Variants in PPHLN1 observed in about 807,000 individuals in gnomAD.
PPHLN1 encodes periphilin-1.
A neutral mutation model predicts 51.3 loss-of-function variants in PPHLN1; 29 were observed. That is an observed-to-expected ratio of 0.57 (90% CI 0.42 to 0.77). The LOEUF (loss-of-function observed/expected upper bound fraction) is 0.77. Ranked by LOEUF, PPHLN1 falls within the 30% of genes least tolerant of loss-of-function variation. The pLI, the probability that PPHLN1 is intolerant of heterozygous loss-of-function variation, is 0.00. For synonymous variants in PPHLN1, 147 were observed against 147.8 expected, an observed-to-expected ratio of 0.99 and a Z score of 0.04; for missense variants, 436 against 438.4, an observed-to-expected ratio of 0.99 and a Z score of 0.05.
At chr12:42,419,763 A>ATAT (rs2080818263) in intron 9 of PPHLN1, among the ~76,000 whole-genome samples, 1 of 152,212 alleles carries the variant, frequency 6.6e-6, no homozygotes, top group Non-Finnish European at 1.5e-5. Flanking sequence ...ATATTTGTGG[A>ATAT]TATGAGTGGC....
intron 9 of PPHLN1, among the ~76,000 whole-genome samples, chr12:42,412,772 T>A (rs141964685): frequency 3.3e-5 from 5 of 152,348 alleles, no homozygotes; most frequent in African/African-American, 1.2e-4. Context: ...TTTCACTGCA[T>A]CCACACCAAC....
At chr12:42,444,745 G>T, downstream of PPHLN1, 1 of 346,146 alleles carries the variant, frequency 2.9e-6, no homozygotes, top group South Asian at 4.4e-5. Flanking sequence ...GATTATGCAG[G>T]CCATATAAAA....
intron 4 of PPHLN1, among the ~76,000 whole-genome samples, chr12:42,372,598 C>T (rs2075903560): frequency 6.6e-6 from 1 of 152,162 alleles, no homozygotes; most frequent in African/African-American, 2.4e-5. Context: ...TCTTCGACAG[C>T]CCATTTCTCT....
chr12:42,357,475 G>A (rs1198102424), intron 4 of PPHLN1, among the ~76,000 whole-genome samples: 2 of 152,124 alleles, frequency 1.3e-5, no homozygotes, highest in Non-Finnish European at 2.9e-5. Context: ...GGAGTTTGGG[G>A]TACAGTAGCA....
chr12:42,426,228 A>ACACACACACACCCCC (rs371819974), intron 9 of PPHLN1, among the ~76,000 whole-genome samples: 16 of 129,866 alleles, frequency 1.2e-4, no homozygotes, highest in African/African-American at 4.9e-4. Context: ...ACACACACAC[A>ACACACACACACCCCC]CCCTCATGCA....
intron 9 of PPHLN1, among the ~76,000 whole-genome samples, chr12:42,417,932 G>GTTTTTTTTTTTTT (rs1491348337): frequency 1.0e-4 from 5 of 49,106 alleles, no homozygotes; most frequent in East Asian, 1.2e-3. Flanking sequence ...TTTTTTTTTT[G>GTTTTTTTTTTTTT]TTTTTTTTTT....
intron 9 of PPHLN1, among the ~76,000 whole-genome samples, chr12:42,406,723 G>C (rs1296354498): frequency 2.0e-5 from 3 of 151,786 alleles, no homozygotes; most frequent in Admixed American, 2.0e-4. Context: ...GCATTCTTTT[G>C]ATATCTTTGG....
intron 1 of PPHLN1, among the ~76,000 whole-genome samples, chr12:42,328,862 A>C (rs975777795): frequency 3.2e-4 from 49 of 152,214 alleles, no homozygotes; most frequent in African/African-American, 1.2e-3. Flanking sequence ...GGCATGTCCC[A>C]CCATGCCTGG....
At chr12:42,380,994 G>C (rs2076712119) in intron 5 of PPHLN1, among the ~76,000 whole-genome samples, 1 of 152,122 alleles carries the variant, frequency 6.6e-6, no homozygotes. Context: ...TAATTAAATA[G>C]GAATAAACAT....
chr12:42,366,608 C>CT (rs1221968676), intron 4 of PPHLN1, among the ~76,000 whole-genome samples: 1 of 151,600 alleles, frequency 6.6e-6, no homozygotes, highest in Non-Finnish European at 1.5e-5. Flanking sequence ...AGGCTGGTCT[C>CT]TAACTCCTAG....
intron 9 of PPHLN1, chr12:42,432,270 C>A: frequency 1.3e-6 from 1 of 765,522 alleles, no homozygotes; most frequent in East Asian, 2.4e-5. Context: ...CCCTGACAAC[C>A]TCTGCCTCTT....
chr12:42,349,601 TG>T (rs1220289547), intron 2 of PPHLN1, among the ~76,000 whole-genome samples: 1 of 152,126 alleles, frequency 6.6e-6, no homozygotes, highest in African/African-American at 2.4e-5. Context: ...TAGGGAGTGG[TG>T]ATGACTCTTA....
chr12:42,373,129 C>T (rs1264931033), intron 4 of PPHLN1, among the ~76,000 whole-genome samples: 1 of 152,204 alleles, frequency 6.6e-6, no homozygotes, highest in Non-Finnish European at 1.5e-5. Flanking sequence ...ATGTCAGCCT[C>T]TCCTATTAAA....
intron 2 of PPHLN1, among the ~76,000 whole-genome samples, chr12:42,344,421 A>G (rs1415188973): frequency 1.3e-5 from 2 of 152,192 alleles, no homozygotes; most frequent in East Asian, 1.9e-4. Flanking sequence ...TGTTTTGTCT[A>G]TGCTTCTACC....
chr12:42,342,014 G>C (rs1466526286), intron 2 of PPHLN1, among the ~76,000 whole-genome samples: 1 of 152,138 alleles, frequency 6.6e-6, no homozygotes, highest in Non-Finnish European at 1.5e-5. Context: ...TAGGTAGGTA[G>C]CAGACTAAAG....
intron 9 of PPHLN1, among the ~76,000 whole-genome samples, chr12:42,437,750 A>AGATGTAT: frequency 6.6e-6 from 1 of 152,208 alleles, no homozygotes; most frequent in Non-Finnish European, 1.5e-5. Context: ...GAATTTTGAC[A>AGATGTAT]AATGTATAAT....
intron 9 of PPHLN1, among the ~76,000 whole-genome samples, chr12:42,427,442 A>G (rs1451662543): frequency 6.6e-6 from 1 of 152,186 alleles, no homozygotes; most frequent in Non-Finnish European, 1.5e-5. Flanking sequence ...ATGGAACAGA[A>G]TAGAGAACCC....
At chr12:42,446,038 A>G, downstream of PPHLN1, 1 of 1,550,244 alleles carries the variant, frequency 6.5e-7, no homozygotes, top group Non-Finnish European at 8.7e-7. Flanking sequence ...CCAACCAAGT[A>G]CCAGAAATGA....
At chr12:42,363,621 G>T (rs1314417214) in intron 4 of PPHLN1, among the ~76,000 whole-genome samples, 1 of 151,738 alleles carries the variant, frequency 6.6e-6, no homozygotes, top group Non-Finnish European at 1.5e-5. Context: ...CAAGTTTTCT[G>T]TCATTTTCCC....
Sources: allele counts gnomAD v4.1 joint callset (sites outside exome capture counted in the v4.1 genomes callset), GRCh38; gene constraint gnomAD v4.1.1; transcripts MANE v1.5; gene names NCBI Gene and HGNC (gene_info 2026-07-23, HGNC 2026-07-21).